The following NTRK3 variants were observed in gnomAD, a reference collection of about 807,000 sequenced individuals.
NTRK3 encodes NT-3 growth factor receptor.
Under a neutral mutation model 91.7 loss-of-function variants are expected in NTRK3, and 24 were observed. That is an observed-to-expected ratio of 0.26 (90% CI 0.19 to 0.37). NTRK3 has a LOEUF of 0.37. Among genes scored for constraint, NTRK3 ranks in the 10% least tolerant of loss-of-function variants. The pLI, the probability that NTRK3 is intolerant of heterozygous loss-of-function variation, is 1.00. For synonymous variants in NTRK3, 483 were observed against 404.0 expected, an observed-to-expected ratio of 1.20 and a Z score of -2.34; for missense variants, 880 against 1,068.9, an observed-to-expected ratio of 0.82 and a Z score of 2.46.
At chr15:87,929,168 T>C (rs1273770574) in intron 17 of NTRK3, 23 bp downstream of exon 17, 1 of 1,614,186 alleles carries the variant, frequency 6.2e-7, no homozygotes. Context: ...GGCTGAGTCC[T>C]GCAGCTGGGA....
At chr15:88,071,673 C>T (rs1010040917) in intron 13 of NTRK3, among the ~76,000 whole-genome samples, 16 of 152,194 alleles carry the variant, frequency 1.1e-4, no homozygotes, top group African/African-American at 3.9e-4. Context: ...GCTAGGATCG[C>T]TGAGGGAGAC....
At chr15:88,110,692 G>A (rs763748411) in intron 13 of NTRK3, among the ~76,000 whole-genome samples, 2 of 152,196 alleles carry the variant, frequency 1.3e-5, no homozygotes, top group Admixed American at 1.3e-4. Context: ...AGGTGCATGA[G>A]GAACCTCAGT....
intron 13 of NTRK3, among the ~76,000 whole-genome samples, chr15:88,093,979 C>A (rs1008257941): frequency 8.5e-5 from 13 of 152,154 alleles, no homozygotes; most frequent in Non-Finnish European, 2.9e-5. Flanking sequence ...TCAGCAAGGT[C>A]ACCTGTGTGG....
intron 14 of NTRK3, among the ~76,000 whole-genome samples, chr15:88,004,591 C>T (rs1030063862): frequency 6.6e-6 from 1 of 152,264 alleles, no homozygotes; most frequent in East Asian, 1.9e-4. Context: ...CATTGTCCTG[C>T]CCTTGTGCAA....
intron 5 of NTRK3, among the ~76,000 whole-genome samples, chr15:88,164,260 C>T (rs1262349644): frequency 6.6e-6 from 1 of 152,232 alleles, no homozygotes; most frequent in Non-Finnish European, 1.5e-5. Context: ...CAGCCTTACC[C>T]ATGCCACCTG....
At position 88,194,782 on chromosome 15, in the gene NTRK3, G is replaced by T. The variant is rs184612941; in HGVS notation, c.249-10483C>A. Among the ~76,000 whole-genome samples the T allele has an allele frequency of 2.6e-5, 4 of 152,280 alleles. No individual in the cohort carries two copies. In the East Asian group the frequency reaches 7.7e-4, roughly 29 times the overall value. On this transcript the variant is annotated intron_variant, in intron 3 of 18. Transcript: ENST00000394480. ...AATTCTGACTCCACCATGACCAGCA[G>T]GATCCTTCCTCATGTAACATATGCC...
At chr15:88,244,492 T>C (rs971955484) in intron 3 of NTRK3, among the ~76,000 whole-genome samples, 1 of 152,210 alleles carries the variant, frequency 6.6e-6, no homozygotes, top group Non-Finnish European at 1.5e-5. Flanking sequence ...TCCCTTGAGC[T>C]ATCAGTCTCA....
intron 3 of NTRK3, among the ~76,000 whole-genome samples, chr15:88,218,503 G>A (rs908413309): frequency 2.6e-5 from 4 of 152,188 alleles, no homozygotes; most frequent in Admixed American, 2.0e-4. Context: ...GCCCTGTCCT[G>A]GGGATTCAAG....
intron 17 of NTRK3, among the ~76,000 whole-genome samples, chr15:87,906,583 T>C (rs929787986): frequency 6.6e-6 from 1 of 152,226 alleles, no homozygotes; most frequent in African/African-American, 2.4e-5. Flanking sequence ...ATGAAGTTTG[T>C]GAGTATTTCT....
At chr15:88,175,118 C>A (rs1185257876) in intron 5 of NTRK3, among the ~76,000 whole-genome samples, 2 of 152,252 alleles carry the variant, frequency 1.3e-5, no homozygotes, top group African/African-American at 4.8e-5. Context: ...ACACTGATTA[C>A]AGCCTCTGTC....
At chr15:87,901,484 C>T (rs2066449891) in intron 17 of NTRK3, among the ~76,000 whole-genome samples, 2 of 152,168 alleles carry the variant, frequency 1.3e-5, no homozygotes, top group African/African-American at 4.8e-5. Flanking sequence ...GGGTAGAGCC[C>T]TCATCTTAAT....
chr15:87,904,761 A>G (rs1241085559), intron 17 of NTRK3, among the ~76,000 whole-genome samples: 1 of 152,268 alleles, frequency 6.6e-6, no homozygotes, highest in East Asian at 1.9e-4. Context: ...AGTTTGAAAT[A>G]TAACCAGACA....
chr15:87,902,199 A>G (rs2066497109), intron 17 of NTRK3, among the ~76,000 whole-genome samples: 1 of 152,364 alleles, frequency 6.6e-6, no homozygotes, highest in South Asian at 2.1e-4. Context: ...ATTGGAAAAA[A>G]GAAGCCAGTC....
chr15:87,947,991 T>A (rs2070742050), intron 14 of NTRK3, among the ~76,000 whole-genome samples: 1 of 151,894 alleles, frequency 6.6e-6, no homozygotes, highest in Non-Finnish European at 1.5e-5. Context: ...GCTCAAGATA[T>A]AAATTTCTGC....
intron 5 of NTRK3, among the ~76,000 whole-genome samples, chr15:88,151,671 G>T (rs2043392009): frequency 6.6e-6 from 1 of 152,240 alleles, no homozygotes; most frequent in African/African-American, 2.4e-5. Context: ...GGGGTTGAGA[G>T]TTGAGGAGAC....
At chr15:87,950,265 T>G (rs1270369928) in intron 14 of NTRK3, among the ~76,000 whole-genome samples, 2 of 152,174 alleles carry the variant, frequency 1.3e-5, no homozygotes, top group Non-Finnish European at 2.9e-5. Flanking sequence ...GAAACACCTG[T>G]GAGGACCACA....
intron 3 of NTRK3, among the ~76,000 whole-genome samples, chr15:88,226,228 C>T (rs976558473): frequency 3.3e-5 from 5 of 152,176 alleles, no homozygotes; most frequent in African/African-American, 9.7e-5. Context: ...CTGCCGGTTG[C>T]CCCCTGCAGA....
chr15:88,218,029 G>T (rs1244926066), intron 3 of NTRK3, among the ~76,000 whole-genome samples: 1 of 152,038 alleles, frequency 6.6e-6, no homozygotes, highest in Non-Finnish European at 1.5e-5. Flanking sequence ...CGCTGTCTTG[G>T]ACGAACACCT....
rs906714189 is a variant in NTRK3 at position 88,255,791 on chromosome 15, G to GGCGGCGGGCA, written c.248+105_248+114dup. On this transcript the variant is annotated intron_variant, in intron 3 of 18. Transcript: ENST00000394480. This position sits in a 1 kb window ranked among gnomAD's most constrained non-coding sequence, Gnocchi z 4.3. ...GAGCGAGCCTGACGCGCGCCCAGCG[G>GGCGGCGGGCA]GCGGCGGGCAGCGGCGAGCTGGGGC... The GGCGGCGGGCA allele has an allele frequency of 1.5e-5, 13 of 850,776 alleles. No individual in the cohort carries two copies. The highest frequency in any genetic ancestry group is 5.5e-5 in the African/African-American group (3 of 54,822). 52.7% of individuals were successfully genotyped at this position (850,776 alleles called of 1,614,324 possible).
Sources: gnomAD v4.1 joint callset for allele counts (sites outside exome capture counted in the v4.1 genomes callset) on GRCh38, gnomAD v4.1.1 for gene constraint, Gnocchi (gnomAD v3.1) non-coding constraint, MANE v1.5 for transcripts, NCBI Gene and HGNC (gene_info 2026-07-23, HGNC 2026-07-21) for gene names.